The following FRMD3 variants were observed in gnomAD, a reference collection of about 807,000 sequenced individuals.
FRMD3 encodes the protein FERM domain containing 3.
In FRMD3, 33 loss-of-function variants were observed where a neutral mutation model predicts 70.2. The ratio of observed to expected loss-of-function variants is 0.47; its 90% CI spans 0.36 to 0.63. FRMD3 has a LOEUF of 0.63. Ranked by LOEUF, FRMD3 falls within the 20% of genes least tolerant of loss-of-function variation. FRMD3 has a pLI of 0.00. For missense variants in FRMD3, 632 were observed against 711.4 expected (o/e 0.89, Z 1.27); for synonymous variants, 279 against 255.9 (o/e 1.09, Z -0.86).
intron 1 of FRMD3, among the ~76,000 whole-genome samples, chr9:83,408,766 T>C (rs1826196957): frequency 6.6e-6 from 1 of 152,122 alleles, no homozygotes; most frequent in Non-Finnish European, 1.5e-5. Context: ...TCATCACTAA[T>C]TACCAGAGCA....
intron 1 of FRMD3, among the ~76,000 whole-genome samples, chr9:83,436,690 C>T (rs1484319465): frequency 2.0e-5 from 3 of 150,524 alleles, no homozygotes; most frequent in African/African-American, 7.3e-5. Context: ...TACAATTTTG[C>T]TTTTAAATTA....
rs746846657 is a variant in FRMD3 at position 83,248,025 on chromosome 9, G to A, written c.1687C>T (p.Arg563Cys). Residue 563 changes from arginine (R) to cysteine (C), a missense_variant, in exon 14 of 14, where the codon CGC (arginine) becomes TGC (cysteine). By Grantham distance (180) the Arg-to-Cys change is radical (BLOSUM62 -3). This residue lies in a region of FRMD3 where 418 missense variants were observed against 442.1 expected (regional missense o/e 0.95). Transcript: ENST00000304195. ...AACTGCTCAAACTCTGGTGTCTGGC[G>A]GATTTCGCATAAGAAGGAGAGATCA... ...GIDLSFLCEI[R>C]QTPEFEQFHY... 6.8e-6 allele frequency: 11 copies of A among 1,614,040 alleles called. No homozygotes were observed. Among genetic ancestry groups the A allele is most frequent in the Non-Finnish European group, 9.3e-6 (11 of 1,180,042 alleles).
At chr9:83,333,091 C>T (rs963995647) in intron 6 of FRMD3, among the ~76,000 whole-genome samples, 2 of 152,248 alleles carry the variant, frequency 1.3e-5, no homozygotes, top group Non-Finnish European at 2.9e-5. Flanking sequence ...TCTCCCTCTG[C>T]ACTGTCAGCC....
At chr9:83,418,018 G>T (rs1324072127) in intron 1 of FRMD3, among the ~76,000 whole-genome samples, 1 of 151,806 alleles carries the variant, frequency 6.6e-6, no homozygotes, top group Non-Finnish European at 1.5e-5. Context: ...GAAATGAATG[G>T]GAGATATTAA....
intron 6 of FRMD3, chr9:83,331,810 GC>G: frequency 1.4e-6 from 1 of 716,774 alleles, no homozygotes; most frequent in South Asian, 1.5e-5. Flanking sequence ...AGTTGTGAGG[GC>G]CATTAAGGGC....
At chr9:83,254,186 G>A (rs1832570992) in intron 13 of FRMD3, among the ~76,000 whole-genome samples, 1 of 151,928 alleles carries the variant, frequency 6.6e-6, no homozygotes, top group Non-Finnish European at 1.5e-5. Flanking sequence ...AATGGGTGCA[G>A]TACACCAACA....
chr9:83,447,172 C>G (rs374373093), intron 1 of FRMD3, among the ~76,000 whole-genome samples: 1 of 152,100 alleles, frequency 6.6e-6, no homozygotes, highest in African/African-American at 2.4e-5. Flanking sequence ...TACAGGCATG[C>G]GCCACCACGC....
intron 1 of FRMD3, among the ~76,000 whole-genome samples, chr9:83,407,510 C>T (rs2131331496): frequency 6.6e-6 from 1 of 152,290 alleles, no homozygotes; most frequent in Admixed American, 6.5e-5. Flanking sequence ...CAATCCCTAC[C>T]CTCCTTGGAG....
chr9:83,350,498 C>T (rs947922813), intron 3 of FRMD3, among the ~76,000 whole-genome samples: 5 of 150,698 alleles, frequency 3.3e-5, no homozygotes, highest in Admixed American at 6.6e-5. Context: ...TGGCACATGC[C>T]TGTAATCCCA....
rs114765910 is a variant in FRMD3 at position 83,501,094 on chromosome 9, T to G, written c.147+36991A>C. Among the ~76,000 whole-genome samples, 618 of 152,352 alleles carry G rather than the reference T, an allele frequency of 4.1e-3. 5 individuals are homozygous for G. The highest frequency in any genetic ancestry group is 0.014 in the African/African-American group (596 of 41,576). On this transcript the variant is annotated intron_variant, in intron 1 of 13. Coordinates refer to ENST00000304195, the MANE Select transcript of FRMD3 (RefSeq NM_174938.6). ...TCAATAAACAATTGTCTTCTGTAATTGCTTTTCTATAGATCTTACATGATA... is the reference window on the plus strand; with the variant it reads ...TCAATAAACAATTGTCTTCTGTAATGGCTTTTCTATAGATCTTACATGATA...
chr9:83,549,424 T>C, the FRMD3 span, among the ~76,000 whole-genome samples: 1 of 152,204 alleles, frequency 6.6e-6, no homozygotes, highest in Admixed American at 6.6e-5. Flanking sequence ...TTTGTGTACA[T>C]GTGTCTTTAT....
the FRMD3 span, among the ~76,000 whole-genome samples, chr9:83,558,098 C>A: frequency 2.6e-5 from 4 of 152,216 alleles, no homozygotes; most frequent in South Asian, 2.1e-4. Context: ...GTCAAAAATA[C>A]ATGCACCAAA....
At chr9:83,485,781 C>T (rs997725755) in intron 1 of FRMD3, among the ~76,000 whole-genome samples, 1 of 152,146 alleles carries the variant, frequency 6.6e-6, no homozygotes, top group Non-Finnish European at 1.5e-5. Flanking sequence ...CATTCAGTCA[C>T]TAATGTACTG....
chr9:83,457,189 C>T (rs923146600), intron 1 of FRMD3, among the ~76,000 whole-genome samples: 6 of 152,126 alleles, frequency 3.9e-5, no homozygotes, highest in South Asian at 2.1e-4. Context: ...ATTGTTGACA[C>T]GCATACACAC....
At chr9:83,429,462 C>A (rs1826907313) in intron 1 of FRMD3, among the ~76,000 whole-genome samples, 1 of 152,186 alleles carries the variant, frequency 6.6e-6, no homozygotes. Context: ...CCAGGACATC[C>A]TTAAAAATGC....
At chr9:83,570,596 G>C in the FRMD3 span, among the ~76,000 whole-genome samples, 1 of 152,186 alleles carries the variant, frequency 6.6e-6, no homozygotes, top group Non-Finnish European at 1.5e-5. Context: ...AAAGTAGCAG[G>C]ATTTCAAGTC....
At chr9:83,457,535 T>C (rs1827853004) in intron 1 of FRMD3, among the ~76,000 whole-genome samples, 1 of 152,226 alleles carries the variant, frequency 6.6e-6, no homozygotes, top group Non-Finnish European at 1.5e-5. Context: ...ATATAATTTG[T>C]GGACATCCTC....
intron 1 of FRMD3, among the ~76,000 whole-genome samples, chr9:83,430,890 C>G (rs1034398119): frequency 1.3e-5 from 2 of 152,244 alleles, no homozygotes; most frequent in Non-Finnish European, 2.9e-5. Flanking sequence ...CCAGGCCACC[C>G]ACCCTGCTCT....
intron 1 of FRMD3, among the ~76,000 whole-genome samples, chr9:83,502,158 C>A (rs1055389592): frequency 6.6e-6 from 1 of 152,178 alleles, no homozygotes; most frequent in Non-Finnish European, 1.5e-5. Context: ...CCTAAGCATG[C>A]GCCACTTCGA....
Sources: gnomAD v4.1 joint callset for allele counts (sites outside exome capture counted in the v4.1 genomes callset) on GRCh38, gnomAD v4.1.1 for gene constraint, gnomAD v4.1.1 regional missense constraint, MANE v1.5 for transcripts, NCBI Gene and HGNC (gene_info 2026-07-23, HGNC 2026-07-21) for gene names.